SYT1: variants seen among roughly 807,000 people sequenced by gnomAD.
SYT1 encodes synaptotagmin 1.
A neutral mutation model predicts 44.8 loss-of-function variants in SYT1; 8 were observed. That is an observed-to-expected ratio of 0.18 (90% CI 0.10 to 0.32). SYT1 has a LOEUF of 0.32. Ranked by LOEUF, SYT1 falls within the 10% of genes least tolerant of loss-of-function variation. The pLI, the probability that SYT1 is intolerant of heterozygous loss-of-function variation, is 1.00. For synonymous variants in SYT1, 154 were observed against 188.8 expected (o/e 0.82, Z 1.51); for missense variants, 286 against 509.3 (o/e 0.56, Z 4.22).
intron 3 of SYT1, among the ~76,000 whole-genome samples, chr12:79,139,731 T>G (rs1181587599): frequency 6.6e-6 from 1 of 152,208 alleles, no homozygotes; most frequent in Admixed American, 6.5e-5. Context: ...TTTTGATTTG[T>G]TCTCTCCTGA....
chr12:79,220,679 A>C (rs1376336685), intron 4 of SYT1, among the ~76,000 whole-genome samples: 1 of 151,946 alleles, frequency 6.6e-6, no homozygotes, highest in East Asian at 1.9e-4. Flanking sequence ...TCATTTCTTC[A>C]GTGACCCATT....
intron 3 of SYT1, among the ~76,000 whole-genome samples, chr12:79,168,909 CT>C (rs1871357521): frequency 6.6e-6 from 1 of 151,990 alleles, no homozygotes; most frequent in South Asian, 2.1e-4. Context: ...CATTAATTCC[CT>C]CATCTTTAAG....
intron 2 of SYT1, among the ~76,000 whole-genome samples, chr12:79,029,687 A>G (rs1164065604): frequency 6.6e-6 from 1 of 151,202 alleles, no homozygotes; most frequent in East Asian, 1.9e-4. Context: ...GTTACATGGT[A>G]TAAGTTAAGT....
chr12:79,235,228 G>C (rs570524812), intron 4 of SYT1, among the ~76,000 whole-genome samples: 5 of 152,182 alleles, frequency 3.3e-5, no homozygotes, highest in Non-Finnish European at 4.4e-5. Context: ...GGTGATATAT[G>C]AGAGTTCTAG....
intron 3 of SYT1, among the ~76,000 whole-genome samples, chr12:79,096,636 T>A (rs1022688563): frequency 2.6e-5 from 4 of 151,940 alleles, no homozygotes. Context: ...ATAAGCAGTA[T>A]GTTAAAAGGA....
intron 2 of SYT1, among the ~76,000 whole-genome samples, chr12:78,994,373 C>T (rs1295187678): frequency 6.6e-6 from 1 of 152,010 alleles, no homozygotes; most frequent in Non-Finnish European, 1.5e-5. Context: ...TGTAGTTTGT[C>T]CCTTTGTAAG....
intron 8 of SYT1, among the ~76,000 whole-genome samples, chr12:79,323,956 T>C (rs887968021): frequency 2.8e-5 from 4 of 145,304 alleles, no homozygotes; most frequent in African/African-American, 5.0e-5. Flanking sequence ...TTCTTTTTTT[T>C]TTTTTTTTTT....
intron 1 of SYT1, among the ~76,000 whole-genome samples, chr12:78,870,313 G>T (rs1245713856): frequency 1.3e-5 from 2 of 151,972 alleles, no homozygotes; most frequent in Admixed American, 1.3e-4. Flanking sequence ...TTCAGGTATG[G>T]TACTGAAACT....
chr12:79,125,879 C>G (rs1182738181), intron 3 of SYT1, among the ~76,000 whole-genome samples: 1 of 152,230 alleles, frequency 6.6e-6, no homozygotes, highest in South Asian at 2.1e-4. Context: ...AGTAAGTTCC[C>G]CGGCTCATCA....
intron 9 of SYT1, among the ~76,000 whole-genome samples, chr12:79,398,848 CG>C (rs1166721069): frequency 6.6e-6 from 1 of 152,110 alleles, no homozygotes; most frequent in Non-Finnish European, 1.5e-5. Context: ...AATCTAATAT[CG>C]GGGCCAAACA....
chr12:79,273,081 C>G (rs1182531730), intron 4 of SYT1, among the ~76,000 whole-genome samples: 2 of 150,868 alleles, frequency 1.3e-5, no homozygotes, highest in Admixed American at 1.3e-4. Flanking sequence ...GCCTCAGCCA[C>G]TTGGAGAGAG....
chr12:78,948,480 T>C (rs1376725870), intron 1 of SYT1, among the ~76,000 whole-genome samples: 3 of 152,046 alleles, frequency 2.0e-5, no homozygotes, highest in African/African-American at 7.2e-5. Flanking sequence ...ATGATACAGA[T>C]ATAATACACT....
At chr12:79,023,678 T>C (rs1430875717) in intron 2 of SYT1, among the ~76,000 whole-genome samples, 1 of 151,862 alleles carries the variant, frequency 6.6e-6, no homozygotes, top group Admixed American at 6.6e-5. Flanking sequence ...TATTGCATTA[T>C]TTCATGCCTA....
At chr12:78,872,252 CT>C (rs1197891320) in intron 1 of SYT1, among the ~76,000 whole-genome samples, 2 of 151,688 alleles carry the variant, frequency 1.3e-5, no homozygotes, top group African/African-American at 2.4e-5. Flanking sequence ...TTTCCAACGA[CT>C]TGTTTTTTTT....
intron 3 of SYT1, among the ~76,000 whole-genome samples, chr12:79,182,131 AGC>A (rs1872582983): frequency 6.6e-6 from 1 of 152,104 alleles, no homozygotes; most frequent in South Asian, 2.1e-4. Flanking sequence ...TTAAAATCAC[AGC>A]TTTTTACTCA....
chr12:79,147,833 C>A (rs1015383215), intron 3 of SYT1, among the ~76,000 whole-genome samples: 1 of 151,920 alleles, frequency 6.6e-6, no homozygotes, highest in South Asian at 2.1e-4. Context: ...GAGGGTCAAA[C>A]GTAAAATTTT....
At chr12:79,327,820 G>A (rs1881671860) in intron 8 of SYT1, among the ~76,000 whole-genome samples, 1 of 152,200 alleles carries the variant, frequency 6.6e-6, no homozygotes, top group Non-Finnish European at 1.5e-5. Flanking sequence ...GAATTCAACT[G>A]ATTGAGAATA....
At chr12:78,949,850 G>A (rs1190072375) in intron 1 of SYT1, among the ~76,000 whole-genome samples, 3 of 151,946 alleles carry the variant, frequency 2.0e-5, no homozygotes, top group African/African-American at 7.2e-5. Context: ...ATGTGAAACT[G>A]GGCAACCTAA....
intron 3 of SYT1, among the ~76,000 whole-genome samples, chr12:79,110,396 C>A (rs1878949258): frequency 6.6e-6 from 1 of 151,946 alleles, no homozygotes. Flanking sequence ...GACATAAGTC[C>A]TTTTTTCCTC....
Sources: gnomAD v4.1 joint callset for allele counts (sites outside exome capture counted in the v4.1 genomes callset) on GRCh38, gnomAD v4.1.1 for gene constraint, MANE v1.5 for transcripts, NCBI Gene and HGNC (gene_info 2026-07-23, HGNC 2026-07-21) for gene names.